The following ST6GALNAC5 variants were observed in gnomAD, a reference collection of about 807,000 sequenced individuals.
ST6GALNAC5 encodes ST6 N-acetylgalactosaminide alpha-2,6-sialyltransferase 5.
ST6GALNAC5 carries 27 observed loss-of-function variants against 33.6 expected under a neutral mutation model. The observed-to-expected ratio is 0.80, with a 90% CI of 0.59 to 1.11. The LOEUF is 1.11. Among genes scored for constraint, ST6GALNAC5 ranks in the 50% least tolerant of loss-of-function variants. The pLI is 0.00. For missense variants in ST6GALNAC5, 428 were observed against 454.0 expected (o/e 0.94, Z 0.52); for synonymous variants, 194 against 171.2 (o/e 1.13, Z -1.04).
intron 2 of ST6GALNAC5, among the ~76,000 whole-genome samples, chr1:76,960,251 G>A (rs1324792857): frequency 6.6e-6 from 1 of 152,082 alleles, no homozygotes; most frequent in Non-Finnish European, 1.5e-5. Context: ...ATCCGGGGGA[G>A]ACATCACATG....
intron 2 of ST6GALNAC5, among the ~76,000 whole-genome samples, chr1:76,912,264 G>A (rs1264223058): frequency 6.6e-6 from 1 of 152,078 alleles, no homozygotes; most frequent in Non-Finnish European, 1.5e-5. Flanking sequence ...CTGAGTTCTA[G>A]TTTGATTGCA....
At chr1:77,005,513 C>T (rs1411792322) in intron 2 of ST6GALNAC5, among the ~76,000 whole-genome samples, 1 of 152,248 alleles carries the variant, frequency 6.6e-6, no homozygotes, top group East Asian at 1.9e-4. Flanking sequence ...TTGGCTCCTC[C>T]TCTCAGGTTT....
chr1:76,990,114 A>G (rs531730504), intron 2 of ST6GALNAC5, among the ~76,000 whole-genome samples: 1 of 152,136 alleles, frequency 6.6e-6, no homozygotes, highest in Non-Finnish European at 1.5e-5. Flanking sequence ...TCCATTCTTT[A>G]TTTGCCTTAG....
chr1:76,913,534 T>G (rs574755861), intron 2 of ST6GALNAC5, among the ~76,000 whole-genome samples: 32 of 152,292 alleles, frequency 2.1e-4, no homozygotes, highest in African/African-American at 7.7e-4. Flanking sequence ...GGTTCCATTC[T>G]CCCCGTCACT....
At chr1:76,999,756 T>C (rs1650072856) in intron 2 of ST6GALNAC5, among the ~76,000 whole-genome samples, 1 of 147,114 alleles carries the variant, frequency 6.8e-6, no homozygotes, top group Non-Finnish European at 1.5e-5. Context: ...TTTTTTGTTC[T>C]TGCGATAGTT....
intron 4 of ST6GALNAC5, among the ~76,000 whole-genome samples, chr1:77,052,905 G>A (rs757539905): frequency 7.7e-6 from 1 of 130,288 alleles, no homozygotes; most frequent in Non-Finnish European, 1.6e-5. Flanking sequence ...GCGACAAAGT[G>A]AGGCTCTGTC....
chr1:76,934,943 G>T (rs1045907372), intron 2 of ST6GALNAC5, among the ~76,000 whole-genome samples: 1 of 151,964 alleles, frequency 6.6e-6, no homozygotes, highest in Non-Finnish European at 1.5e-5. Flanking sequence ...CAAATTAATT[G>T]CTTTCATGTC....
At chr1:76,914,862 A>G (rs1207098194) in intron 2 of ST6GALNAC5, among the ~76,000 whole-genome samples, 1 of 152,214 alleles carries the variant, frequency 6.6e-6, no homozygotes, top group Non-Finnish European at 1.5e-5. Context: ...AAACTCAAGA[A>G]CTTCTGCACA....
intron 2 of ST6GALNAC5, among the ~76,000 whole-genome samples, chr1:77,005,268 C>T (rs1008552137): frequency 2.6e-5 from 4 of 152,216 alleles, no homozygotes; most frequent in African/African-American, 9.6e-5. Context: ...GTGCGTCTGT[C>T]ACCCCTTTCT....
In ST6GALNAC5 at chr1:76,939,147, A is replaced by T. The variant is rs955818650; in HGVS notation, c.261+70405A>T. On this transcript the variant is annotated intron_variant, in intron 2 of 4. Transcript: ENST00000477717. ...GACACTGTCAACTCTAATGGGATGG[A>T]TTGCTCTGCTTGGCATTAGCATTAG... Among the ~76,000 whole-genome samples the T allele has an allele frequency of 3.3e-5, 5 of 152,094 alleles. No individual in the cohort carries two copies. In the East Asian group the frequency reaches 9.7e-4, roughly 30 times the overall value.
chr1:77,030,631 A>G (rs1282817416), intron 2 of ST6GALNAC5, among the ~76,000 whole-genome samples: 1 of 152,242 alleles, frequency 6.6e-6, no homozygotes, highest in African/African-American at 2.4e-5. Context: ...GCCATGAGTC[A>G]GGCTCCTGAA....
rs1051305636 is a variant in ST6GALNAC5 at position 76,914,421 on chromosome 1, C to T, written c.261+45679C>T. Among the ~76,000 whole-genome samples the T allele has an allele frequency of 1.5e-4, 23 of 152,280 alleles. No homozygotes were observed. The East Asian group carries it at 2.3e-3, about 15-fold the overall frequency. ...CAAAAGAACAAAGCTGGAGGCATCA[C>T]GCTACCTGACTTCAAACTCTACTAC... On this transcript the variant is annotated intron_variant, in intron 2 of 4. Transcript: ENST00000477717.
Position 77,017,238 on chromosome 1 carries a change from T to C in ST6GALNAC5, c.262-26966T>C, listed in dbSNP as rs542453722. Among the ~76,000 whole-genome samples, 222 of 151,572 alleles carry C rather than the reference T, an allele frequency of 1.5e-3. 2 individuals carry two copies. The highest frequency in any genetic ancestry group is 5.2e-3 in the African/African-American group (214 of 41,372). The stretch of plus-strand genomic sequence containing the variant: ...CTGGGGGACACTTCTAGTGAGTGCA[T>C]CTGACATCAATTTCTATTCTTCAGC... On this transcript the variant is annotated intron_variant, in intron 2 of 4. Transcript: ENST00000477717.
At chr1:76,997,511 T>A (rs1431968980) in intron 2 of ST6GALNAC5, among the ~76,000 whole-genome samples, 2 of 152,144 alleles carry the variant, frequency 1.3e-5, no homozygotes, top group African/African-American at 4.8e-5. Flanking sequence ...GGATTGAAAC[T>A]TTTCTAGAAC....
chr1:76,895,600 TC>T (rs1654112751), intron 2 of ST6GALNAC5, among the ~76,000 whole-genome samples: 1 of 152,198 alleles, frequency 6.6e-6, no homozygotes, highest in East Asian at 1.9e-4. Flanking sequence ...TTCAGCATAG[TC>T]CTGCCAGCAA....
At chr1:76,910,399 A>G (rs781054516) in intron 2 of ST6GALNAC5, among the ~76,000 whole-genome samples, 4 of 152,100 alleles carry the variant, frequency 2.6e-5, no homozygotes, top group Non-Finnish European at 5.9e-5. Flanking sequence ...AAAAAATAAA[A>G]GCGAAGTAAA....
chr1:77,063,247 A>T lies in ST6GALNAC5; in HGVS notation c.*41A>T, dbSNP rs769881034. On this transcript the variant is annotated 3_prime_UTR_variant, in exon 5 of 5. Transcript: ENST00000477717. ...GACTGTAATCCCAGGTATTCACTGC[A>T]TCAGACACCGAGACACTGAACTTCC... 2.6e-5 allele frequency: 41 copies of T among 1,570,244 alleles called. No individual in the cohort carries two copies. The highest frequency in any genetic ancestry group is 3.4e-5 in the Non-Finnish European group (39 of 1,143,304).
chr1:77,042,887 C>T (rs1169155416), intron 2 of ST6GALNAC5, among the ~76,000 whole-genome samples: 1 of 151,994 alleles, frequency 6.6e-6, no homozygotes, highest in Non-Finnish European at 1.5e-5. Context: ...TACCAAGGTC[C>T]CACAGCTAGT....
At chr1:77,040,392 A>C (rs1291427895) in intron 2 of ST6GALNAC5, among the ~76,000 whole-genome samples, 1 of 152,220 alleles carries the variant, frequency 6.6e-6, no homozygotes, top group Non-Finnish European at 1.5e-5. Context: ...TGTCTGACAT[A>C]ATCAATACCA....
Sources: allele counts gnomAD v4.1 joint callset (sites outside exome capture counted in the v4.1 genomes callset), GRCh38; gene constraint gnomAD v4.1.1; transcripts MANE v1.5; gene names NCBI Gene and HGNC (gene_info 2026-07-23, HGNC 2026-07-21).